The following GPC6 variants were observed in gnomAD, a reference collection of about 807,000 sequenced individuals.
GPC6 encodes the protein glypican 6.
GPC6 carries 14 observed loss-of-function variants against 55.2 expected under a neutral mutation model. That is an observed-to-expected ratio of 0.25 (90% CI 0.17 to 0.40). The LOEUF (loss-of-function observed/expected upper bound fraction) is 0.40. GPC6 is among the 10% of genes least tolerant of loss of function. GPC6 has a pLI of 1.00. For missense variants in GPC6, 641 were observed against 708.5 expected (o/e 0.90, Z 1.08); for synonymous variants, 278 against 259.6 (o/e 1.07, Z -0.68).
chr13:93,807,979 G>A (rs1188046986), intron 2 of GPC6, among the ~76,000 whole-genome samples: 2 of 152,136 alleles, frequency 1.3e-5, no homozygotes, highest in African/African-American at 4.8e-5. Flanking sequence ...TAAATTATGA[G>A]TCTGACTTAA....
intron 1 of GPC6, among the ~76,000 whole-genome samples, chr13:93,403,803 T>TTGTCATTTTA (rs1470012622): frequency 6.6e-6 from 1 of 152,182 alleles, no homozygotes; most frequent in African/African-American, 2.4e-5. Context: ...TCTCCAGAGT[T>TTGTCATTTTA]TGTCATTTTA....
At chr13:93,603,599 TG>T (rs1237915593) in intron 2 of GPC6, among the ~76,000 whole-genome samples, 4 of 152,234 alleles carry the variant, frequency 2.6e-5, no homozygotes, top group African/African-American at 9.6e-5. Flanking sequence ...CTCCAGGGCC[TG>T]TGCTCATAAG....
At chr13:93,721,855 A>G (rs1353852874) in intron 2 of GPC6, among the ~76,000 whole-genome samples, 1 of 151,728 alleles carries the variant, frequency 6.6e-6, no homozygotes, top group African/African-American at 2.4e-5. Flanking sequence ...ATCTTTTGCT[A>G]CTTATGCGAT....
intron 2 of GPC6, among the ~76,000 whole-genome samples, chr13:93,672,562 C>G (rs890499444): frequency 6.6e-6 from 1 of 151,412 alleles, no homozygotes. Flanking sequence ...TTATCTACCT[C>G]TTTTGTATGG....
intron 1 of GPC6, among the ~76,000 whole-genome samples, chr13:93,247,418 A>G (rs1876641259): frequency 6.6e-6 from 1 of 152,146 alleles, no homozygotes; most frequent in African/African-American, 2.4e-5. Flanking sequence ...TTCTCCTCCA[A>G]CTATATTTGC....
intron 1 of GPC6, among the ~76,000 whole-genome samples, chr13:93,365,296 C>G (rs1266921980): frequency 6.6e-6 from 1 of 152,008 alleles, no homozygotes; most frequent in East Asian, 1.9e-4. Context: ...CTGGCTCATT[C>G]CCTCCAATAT....
intron 2 of GPC6, among the ~76,000 whole-genome samples, chr13:93,659,858 G>A (rs547744411): frequency 8.5e-4 from 129 of 152,054 alleles, no homozygotes; most frequent in African/African-American, 3.0e-3. Context: ...CGTATTTTAT[G>A]TTTAAACCTC....
intron 4 of GPC6, among the ~76,000 whole-genome samples, chr13:94,224,190 C>T (rs1262714094): frequency 6.6e-6 from 1 of 150,972 alleles, no homozygotes; most frequent in Non-Finnish European, 1.5e-5. Flanking sequence ...AGTTATAGTG[C>T]TGTTGACTGA....
At chr13:93,812,724 G>C (rs140226327) in intron 2 of GPC6, among the ~76,000 whole-genome samples, 1 of 152,134 alleles carries the variant, frequency 6.6e-6, no homozygotes, top group Non-Finnish European at 1.5e-5. Context: ...CAAGTGTTTC[G>C]TTCTTGAGAA....
At chr13:94,231,800 A>G (rs1272858095) in intron 4 of GPC6, among the ~76,000 whole-genome samples, 1 of 152,170 alleles carries the variant, frequency 6.6e-6, no homozygotes, top group Non-Finnish European at 1.5e-5. Context: ...ATAAAATAAA[A>G]ACAAAATGAC....
intron 6 of GPC6, among the ~76,000 whole-genome samples, chr13:94,321,712 T>A (rs567719420): frequency 6.6e-6 from 1 of 152,304 alleles, no homozygotes; most frequent in East Asian, 1.9e-4. Context: ...TATTGGTTAA[T>A]ATTGTTCCAG....
chr13:93,795,331 G>T (rs1183821900), intron 2 of GPC6, among the ~76,000 whole-genome samples: 1 of 152,100 alleles, frequency 6.6e-6, no homozygotes, highest in Non-Finnish European at 1.5e-5. Flanking sequence ...AAGACATCTG[G>T]ATATCAAGAC....
chr13:94,042,231 G>T (rs1883566996), intron 4 of GPC6, among the ~76,000 whole-genome samples: 1 of 151,578 alleles, frequency 6.6e-6, no homozygotes, highest in Non-Finnish European at 1.5e-5. Flanking sequence ...CACCATGATT[G>T]TAAGTTTCCT....
At chr13:94,073,073 C>T (rs9516342) in intron 4 of GPC6, among the ~76,000 whole-genome samples, 27,523 of 152,124 alleles carry the variant, frequency 0.18, 2,619 homozygotes, top group South Asian at 0.25. Context: ...GTCATGTCTA[C>T]ACCTAATCAT....
chr13:93,495,508 CCTT>C (rs1321209002), intron 1 of GPC6, among the ~76,000 whole-genome samples: 6 of 136,950 alleles, frequency 4.4e-5, no homozygotes, highest in Non-Finnish European at 7.8e-5. Flanking sequence ...TCGTCTGAAG[CCTT>C]CTTCTCTCAG....
chr13:94,212,614 T>C (rs1408091549), intron 4 of GPC6, among the ~76,000 whole-genome samples: 1 of 152,228 alleles, frequency 6.6e-6, no homozygotes, highest in East Asian at 1.9e-4. Context: ...ATTTAAAGTG[T>C]ATCTGCTGCT....
chr13:94,072,867 C>T (rs578164858), intron 4 of GPC6, among the ~76,000 whole-genome samples: 90 of 152,164 alleles, frequency 5.9e-4, no homozygotes, highest in African/African-American at 1.7e-3. Flanking sequence ...GTGATGCCCA[C>T]GGCCTTGCAG....
chr13:93,812,718 T>C (rs957395804), intron 2 of GPC6, among the ~76,000 whole-genome samples: 2 of 152,206 alleles, frequency 1.3e-5, no homozygotes, highest in African/African-American at 4.8e-5. Context: ...TATTAGCAAG[T>C]GTTTCGTTCT....
chr13:94,166,004 T>G (rs537794742), intron 4 of GPC6, among the ~76,000 whole-genome samples: 5 of 152,250 alleles, frequency 3.3e-5, no homozygotes, highest in African/African-American at 1.2e-4. Flanking sequence ...AAGTATAAGC[T>G]TTAAAAAGTA....
Sources: allele counts gnomAD v4.1 joint callset (sites outside exome capture counted in the v4.1 genomes callset), GRCh38; gene constraint gnomAD v4.1.1; transcripts MANE v1.5; gene names NCBI Gene and HGNC (gene_info 2026-07-23, HGNC 2026-07-21).